Variants in PCGF5 observed in about 807,000 individuals in gnomAD.
PCGF5 encodes polycomb group RING finger protein 5.
Under a neutral mutation model 44.3 loss-of-function variants are expected in PCGF5, and 9 were observed. The observed-to-expected ratio is 0.20, with a 90% CI of 0.12 to 0.35. PCGF5 has a LOEUF of 0.35. PCGF5 is among the 10% of genes least tolerant of loss of function. PCGF5 has a pLI of 1.00. For synonymous variants in PCGF5, 95 were observed against 102.5 expected, an observed-to-expected ratio of 0.93 and a Z score of 0.44; for missense variants, 146 against 305.3, an observed-to-expected ratio of 0.48 and a Z score of 3.89.
At chr10:91,215,409 GA>G (rs1204690920), upstream of PCGF5, among the ~76,000 whole-genome samples, 7 of 152,204 alleles carry the variant, frequency 4.6e-5, no homozygotes, top group African/African-American at 1.7e-4. Context: ...CAAAAAGCTA[GA>G]AAAGGAGAAT....
At chr10:91,223,929 A>G (rs984068371) in intron 2 of PCGF5, among the ~76,000 whole-genome samples, 1 of 152,074 alleles carries the variant, frequency 6.6e-6, no homozygotes, top group Non-Finnish European at 1.5e-5. Flanking sequence ...GCTCTTTAAT[A>G]TACCATGGTA....
intron 2 of PCGF5, among the ~76,000 whole-genome samples, chr10:91,239,215 A>C (rs1234574985): frequency 6.6e-6 from 1 of 152,168 alleles, no homozygotes; most frequent in Admixed American, 6.5e-5. Flanking sequence ...GCTCCATAAG[A>C]ATTTGGGCTT....
intron 8 of PCGF5, 91 bp from the exon 9 acceptor site, chr10:91,271,547 G>T: frequency 1.0e-6 from 1 of 987,432 alleles, no homozygotes; most frequent in Non-Finnish European, 1.5e-6. Flanking sequence ...GTTGACTCTT[G>T]TGTTTGACGT....
intron 1 of PCGF5, among the ~76,000 whole-genome samples, chr10:91,202,159 C>T (rs1266286704): frequency 6.6e-6 from 1 of 152,166 alleles, no homozygotes; most frequent in Non-Finnish European, 1.5e-5. Flanking sequence ...ATGTTCACTG[C>T]TTAGAACCAT....
At chr10:91,189,407 A>G (rs983237935) in intron 1 of PCGF5, among the ~76,000 whole-genome samples, 16 of 152,232 alleles carry the variant, frequency 1.1e-4, no homozygotes, top group African/African-American at 3.9e-4. Flanking sequence ...TGCCTGGTAC[A>G]TAGTAGACAC....
Position 91,275,959 on chromosome 10 carries a change from A to C in PCGF5, c.724-2310A>C, listed in dbSNP as rs185363464. Among the ~76,000 whole-genome samples the C allele has an allele frequency of 2.0e-3, 300 of 152,326 alleles. 2 individuals carry two copies. Among genetic ancestry groups the C allele is most frequent in the Non-Finnish European group, 3.4e-3 (234 of 68,034 alleles). On this transcript the variant is annotated intron_variant, in intron 9 of 9. Transcript: ENST00000336126. Reference sequence around the variant, plus strand: ...AAAAGGAGACTTACTGATAACTCACAGTTCATTTCTATAACAGCATAATAT... The same window carrying C: ...AAAAGGAGACTTACTGATAACTCACCGTTCATTTCTATAACAGCATAATAT...
upstream of PCGF5, among the ~76,000 whole-genome samples, chr10:91,158,069 T>G (rs962916839): frequency 3.9e-4 from 60 of 152,188 alleles, no homozygotes; most frequent in Non-Finnish European, 1.0e-4. Context: ...AGAAATGACT[T>G]AGGCAGGATT....
At chr10:91,233,896 AG>A (rs768505993) in intron 2 of PCGF5, among the ~76,000 whole-genome samples, 1 of 152,252 alleles carries the variant, frequency 6.6e-6, no homozygotes, top group Non-Finnish European at 1.5e-5. Flanking sequence ...AAAGGAAGTC[AG>A]CCTTTGGTCA....
intron 2 of PCGF5, among the ~76,000 whole-genome samples, chr10:91,223,441 T>A (rs1259460709): frequency 6.6e-6 from 1 of 152,156 alleles, no homozygotes; most frequent in Non-Finnish European, 1.5e-5. Context: ...TACCCTAGAT[T>A]TAATGAGCCG....
At chr10:91,261,123 C>T (rs1168035550) in intron 6 of PCGF5, among the ~76,000 whole-genome samples, 1 of 151,768 alleles carries the variant, frequency 6.6e-6, no homozygotes, top group African/African-American at 2.4e-5. Context: ...ATAATATATT[C>T]TTGAAGAATG....
chr10:91,166,198 A>G (rs1460551874), intron 1 of PCGF5, among the ~76,000 whole-genome samples: 2 of 152,328 alleles, frequency 1.3e-5, no homozygotes, highest in Non-Finnish European at 2.9e-5. Flanking sequence ...GAAGTTCCTG[A>G]ATTAGCCAGA....
chr10:91,241,515 T>C (rs188803301), intron 3 of PCGF5, among the ~76,000 whole-genome samples: 1 of 152,312 alleles, frequency 6.6e-6, no homozygotes, highest in East Asian at 1.9e-4. Context: ...ACAGGCCGTA[T>C]GTCCTCACCA....
intron 1 of PCGF5, among the ~76,000 whole-genome samples, chr10:91,187,076 A>G (rs1292549568): frequency 6.6e-6 from 1 of 152,296 alleles, no homozygotes; most frequent in Admixed American, 6.5e-5. Context: ...AGGAGATGCA[A>G]CTGGTCTGCA....
chr10:91,232,340 A>G (rs750168633), intron 2 of PCGF5, among the ~76,000 whole-genome samples: 3 of 152,212 alleles, frequency 2.0e-5, no homozygotes, highest in African/African-American at 4.8e-5. Flanking sequence ...CTATGAATAC[A>G]TAAGTATTTA....
chr10:91,271,765 A>T, intron 9 of PCGF5, 68 bp downstream of exon 9: 1 of 1,322,468 alleles, frequency 7.6e-7, no homozygotes, highest in Non-Finnish European at 1.1e-6. Flanking sequence ...TTCATCCCAA[A>T]CTCAATTCCT....
At chr10:91,236,853 C>G (rs942557956) in intron 2 of PCGF5, among the ~76,000 whole-genome samples, 1 of 152,048 alleles carries the variant, frequency 6.6e-6, no homozygotes, top group African/African-American at 2.4e-5. Context: ...GATGTATCTT[C>G]TAGAGATTTT....
chr10:91,237,135 G>A (rs940974449), intron 2 of PCGF5, among the ~76,000 whole-genome samples: 1 of 152,014 alleles, frequency 6.6e-6, no homozygotes, highest in Non-Finnish European at 1.5e-5. Context: ...TCTATAAGAG[G>A]CCAAATGCTA....
At chr10:91,214,628 T>C (rs1230467221) in intron 1 of PCGF5, among the ~76,000 whole-genome samples, 3 of 152,216 alleles carry the variant, frequency 2.0e-5, no homozygotes, top group Non-Finnish European at 2.9e-5. Context: ...TTGACCGGGA[T>C]AGCATGTTTT....
chr10:91,189,422 A>C (rs1843991090), intron 1 of PCGF5, among the ~76,000 whole-genome samples: 1 of 152,212 alleles, frequency 6.6e-6, no homozygotes, highest in East Asian at 1.9e-4. Context: ...AGACACACAT[A>C]ATAATATATG....
Sources: allele counts gnomAD v4.1 joint callset (sites outside exome capture counted in the v4.1 genomes callset), GRCh38; gene constraint gnomAD v4.1.1; transcripts MANE v1.5; gene names NCBI Gene and HGNC (gene_info 2026-07-23, HGNC 2026-07-21).